Variants in PPP6R3 observed in about 807,000 individuals in gnomAD.
PPP6R3 encodes the protein serine/threonine-protein phosphatase 6 regulatory subunit 3.
PPP6R3 carries 38 observed loss-of-function variants against 110.7 expected under a neutral mutation model. The observed-to-expected ratio is 0.34, with a 90% CI of 0.26 to 0.45. The LOEUF (loss-of-function observed/expected upper bound fraction) is 0.45, where lower values mean the gene tolerates loss of function less well. Ranked by LOEUF, PPP6R3 falls within the 20% of genes least tolerant of loss-of-function variation. The probability of loss-of-function intolerance (pLI) is 1.00; values close to 1 mark genes in which losing one functional copy is unlikely to be tolerated. For synonymous variants in PPP6R3, 369 were observed against 373.5 expected, an observed-to-expected ratio of 0.99 and a Z score of 0.14; for missense variants, 870 against 1,062.4, an observed-to-expected ratio of 0.82 and a Z score of 2.52.
Position 68,574,126 on chromosome 11 carries a change from G to A in PPP6R3, c.1361G>A (p.Arg454Gln). 1.9e-6 allele frequency: 3 copies of A among 1,613,832 alleles called. No individual in the cohort carries two copies. Among genetic ancestry groups the A allele is most frequent in the East Asian group, 2.2e-5 (1 of 44,886 alleles). Residue 454 changes from arginine (R) to glutamine (Q), a missense_variant, in exon 13 of 24, where the codon CGG becomes CAG. By Grantham distance (43) the Arg-to-Gln change is conservative. Coordinates refer to ENST00000393800, the MANE Select transcript of PPP6R3 (RefSeq NM_001164161.2). ...NEKKQAEGGR[R>Q]HGYMGHLTRI... ...CTTGTCAGGGCTGAGGGAGGAAGAC[G>A]GCATGGTTACATGGGACACCTAACG...
At chr11:68,478,646 A>ATTTTTT (rs1565292839) in intron 1 of PPP6R3, among the ~76,000 whole-genome samples, 8 of 10,762 alleles carry the variant, frequency 7.4e-4, no homozygotes, top group South Asian at 3.5e-3. Flanking sequence ...GCACTTGGTA[A>ATTTTTT]GTTTTTTTTT....
intron 2 of PPP6R3, among the ~76,000 whole-genome samples, chr11:68,526,195 T>G (rs1344011518): frequency 6.6e-6 from 1 of 152,196 alleles, no homozygotes; most frequent in African/African-American, 2.4e-5. Flanking sequence ...TCTTGGATGC[T>G]TCAGATGGGA....
intron 1 of PPP6R3, among the ~76,000 whole-genome samples, chr11:68,475,182 T>C (rs987133080): frequency 1.3e-5 from 2 of 152,164 alleles, no homozygotes; most frequent in Non-Finnish European, 2.9e-5. Context: ...CCTTAATCCA[T>C]TTAACCCTGA....
chr11:68,614,828 T>C lies in PPP6R3; in HGVS notation c.*1711T>C. 7.4e-7 allele frequency: 1 copy of C among 1,357,278 alleles called. No homozygotes were observed. The highest frequency in any genetic ancestry group is 1.0e-6 in the Non-Finnish European group (1 of 976,862). The allele number at this position is 1,357,278 out of a possible 1,614,324, so 84.1% of individuals were successfully genotyped here. On this transcript the variant is annotated 3_prime_UTR_variant, in exon 24 of 24. Transcript: ENST00000393800. ...GAGGACAGGGCTCCTCCTGCTTGCCTCAGGGCTGCCTGACTTGAATGGCGT... is the reference window on the plus strand; with the variant it reads ...GAGGACAGGGCTCCTCCTGCTTGCCCCAGGGCTGCCTGACTTGAATGGCGT...
chr11:68,496,430 C>T (rs2099016313), intron 1 of PPP6R3, among the ~76,000 whole-genome samples: 1 of 152,052 alleles, frequency 6.6e-6, no homozygotes, highest in South Asian at 2.1e-4. Flanking sequence ...CCTGCCTTAG[C>T]CTCTCTAGTG....
At chr11:68,504,310 T>TC (rs1256866963) in intron 1 of PPP6R3, among the ~76,000 whole-genome samples, 1 of 152,098 alleles carries the variant, frequency 6.6e-6, no homozygotes, top group Non-Finnish European at 1.5e-5. Context: ...TACAGGTGGG[T>TC]CTGGTATAGG....
chr11:68,513,692 A>G (rs1030115476), intron 1 of PPP6R3, among the ~76,000 whole-genome samples: 2 of 152,214 alleles, frequency 1.3e-5, no homozygotes, highest in Admixed American at 6.5e-5. Flanking sequence ...CCAGTTTGCT[A>G]TGCTATATAT....
chr11:68,607,154 A>G (rs1940567994), intron 22 of PPP6R3, among the ~76,000 whole-genome samples: 1 of 152,206 alleles, frequency 6.6e-6, no homozygotes, highest in Non-Finnish European at 1.5e-5. Flanking sequence ...TTTTAGAAGT[A>G]ACTTAATACT....
At chr11:68,594,752 GA>G (rs1343601460) in intron 18 of PPP6R3, among the ~76,000 whole-genome samples, 1 of 152,142 alleles carries the variant, frequency 6.6e-6, no homozygotes, top group African/African-American at 2.4e-5. Context: ...ATATGGAAAT[GA>G]AAAGGATCTA....
At chr11:68,503,777 A>C (rs2153492958) in intron 1 of PPP6R3, among the ~76,000 whole-genome samples, 1 of 152,318 alleles carries the variant, frequency 6.6e-6, no homozygotes, top group Middle Eastern at 3.4e-3. Flanking sequence ...TTTTAAAATA[A>C]CCCCTACAAA....
chr11:68,562,270 A>G (rs978509287), intron 8 of PPP6R3, among the ~76,000 whole-genome samples: 12 of 152,236 alleles, frequency 7.9e-5, no homozygotes, highest in Admixed American at 7.2e-4. Flanking sequence ...CCCCAAAACT[A>G]TAGAATATTG....
intron 22 of PPP6R3, among the ~76,000 whole-genome samples, chr11:68,607,778 A>AT (rs763137307): frequency 1.1e-3 from 163 of 146,374 alleles, no homozygotes; most frequent in East Asian, 2.4e-3. Flanking sequence ...TCTAATCTAG[A>AT]TTTTTTTTTT....
rs118015689 is a variant in PPP6R3 at position 68,461,356 on chromosome 11, A to G, written c.-158+529A>G. Among the ~76,000 whole-genome samples the G allele has an allele frequency of 2.6e-3, 392 of 152,238 alleles. 2 individuals carry two copies. Among genetic ancestry groups the G allele is most frequent in the Non-Finnish European group, 4.9e-3 (332 of 68,006 alleles). On this transcript the variant is annotated intron_variant, in intron 1 of 23. Coordinates refer to ENST00000393800, the MANE Select transcript of PPP6R3 (RefSeq NM_001164161.2). ...AAACAAGTTTTGTGGGTTTCTGTTA[A>G]TTCGCCGCAGAGTCATCGGGATCCA...
intron 1 of PPP6R3, among the ~76,000 whole-genome samples, chr11:68,468,799 C>T (rs1380613542): frequency 6.6e-6 from 1 of 152,170 alleles, no homozygotes; most frequent in East Asian, 1.9e-4. Flanking sequence ...AACATAATTT[C>T]TGCTGGTGGA....
intron 1 of PPP6R3, among the ~76,000 whole-genome samples, chr11:68,508,121 C>T (rs1411621025): frequency 3.9e-5 from 3 of 77,610 alleles, no homozygotes; most frequent in South Asian, 4.8e-4. Flanking sequence ...GTTTTTTGGC[C>T]TTTTTTTTTT....
intron 7 of PPP6R3, among the ~76,000 whole-genome samples, chr11:68,556,079 TTAA>T (rs1156537801): frequency 7.2e-5 from 11 of 152,358 alleles, no homozygotes; most frequent in Non-Finnish European, 1.2e-4. Flanking sequence ...TCATAGTTAT[TTAA>T]TAATGATGAT....
chr11:68,465,239 G>T (rs1472786437), intron 1 of PPP6R3, among the ~76,000 whole-genome samples: 1 of 152,160 alleles, frequency 6.6e-6, no homozygotes, highest in African/African-American at 2.4e-5. Flanking sequence ...CCCTGGATCA[G>T]TTTACCAGTT....
intron 15 of PPP6R3, 189 bp from the exon 16 acceptor site, chr11:68,587,738 A>G (rs911116237): frequency 1.0e-5 from 7 of 670,606 alleles, no homozygotes; most frequent in Admixed American, 6.7e-5. Flanking sequence ...TTGTAGACCA[A>G]ATTTCAAACG....
intron 1 of PPP6R3, among the ~76,000 whole-genome samples, chr11:68,485,820 A>C (rs570793405): frequency 6.6e-6 from 1 of 152,202 alleles, no homozygotes; most frequent in Non-Finnish European, 1.5e-5. Context: ...TTAGTCTCCC[A>C]AGTAGCAGGG....
Sources: allele counts gnomAD v4.1 joint callset (sites outside exome capture counted in the v4.1 genomes callset), GRCh38; gene constraint gnomAD v4.1.1; transcripts MANE v1.5; gene names NCBI Gene and HGNC (gene_info 2026-07-23, HGNC 2026-07-21).